PRPS2: variants seen among roughly 807,000 people sequenced by gnomAD.
PRPS2 encodes phosphoribosyl pyrophosphate synthetase 2.
For missense variants in PRPS2, 104 were observed against 271.5 expected (o/e 0.38, Z 4.34); for synonymous variants, 111 against 115.3 (o/e 0.96, Z 0.24).
chrX:12,812,390 GCCAA>G (rs1478307771), intron 4 of PRPS2, among the ~76,000 whole-genome samples: 1 of 112,137 alleles, frequency 8.9e-6, no homozygotes, highest in East Asian at 2.8e-4. Context: ...ACTTTGGGAG[GCCAA>G]GGCAGGTGGA....
chrX:12,818,019 C>G (rs2042656975), intron 4 of PRPS2, among the ~76,000 whole-genome samples: 1 of 111,117 alleles, frequency 9.0e-6, no homozygotes, highest in African/African-American at 3.3e-5. Flanking sequence ...TGAATTAATA[C>G]ACTTTAAAAT....
At chrX:12,795,989 T>C (rs2042541065) in intron 1 of PRPS2, among the ~76,000 whole-genome samples, 1 of 112,068 alleles carries the variant, frequency 8.9e-6, no homozygotes. Context: ...GTGTGAATGT[T>C]ATCAAAACTA....
At chrX:12,822,292 A>G (rs929454721) in intron 6 of PRPS2, among the ~76,000 whole-genome samples, 1 of 112,417 alleles carries the variant, frequency 8.9e-6, no homozygotes, top group Non-Finnish European at 1.9e-5. Context: ...TTGGTCCTCT[A>G]TAGTTTGCTG....
At chrX:12,796,688 C>T (rs764467652) in intron 1 of PRPS2, among the ~76,000 whole-genome samples, 9 of 110,444 alleles carry the variant, frequency 8.1e-5, no homozygotes, top group South Asian at 3.8e-4. Flanking sequence ...AAAATTACCA[C>T]GCTATGCAAA....
intron 2 of PRPS2, among the ~76,000 whole-genome samples, chrX:12,800,328 C>T (rs940442540): frequency 8.9e-6 from 1 of 111,807 alleles, no homozygotes; most frequent in Admixed American, 9.5e-5. Context: ...CACCTGGCCT[C>T]TTCCCTGTGT....
intron 5 of PRPS2, among the ~76,000 whole-genome samples, 181 bp downstream of exon 5, chrX:12,819,861 G>A (rs1474423861): frequency 6.2e-5 from 7 of 112,592 alleles, no homozygotes; most frequent in South Asian, 7.4e-4. Context: ...AAGAAAGCAC[G>A]GGCCTTTTCG....
Position 12,799,297 on chromosome X carries a change from C to T in PRPS2, c.213C>T (p.Leu71=), listed in dbSNP as rs760985073. 25 of 1,209,763 alleles carry T rather than the reference C, an allele frequency of 2.1e-5. No individual in the cohort carries two copies. Among genetic ancestry groups the T allele is most frequent in the Middle Eastern group, 2.3e-4 (1 of 4,349 alleles). The change falls in exon 2 of 7, where the codon CTC becomes CTT. Residue 71 remains leucine (L), a synonymous_variant. Transcript: ENST00000380668. ...GEINDNLMEL[L]IMINACKIAS... is the part of the protein sequence containing the mutation. ...TTAACGACAACCTGATGGAACTCCT[C>T]ATCATGATCAATGCCTGCAAGATTG...
rs373218728 is a variant in PRPS2, at chrX:12,791,527, C to T, written c.30C>T (p.Ser10=). MPNIVLFSG[S]SHQDLSQRVA... Reference sequence around the variant, plus strand: ...CCAACATCGTGCTGTTCAGCGGCAGCTCGCATCAGGACCTGTCCCAGCGCG... The same window carrying T: ...CCAACATCGTGCTGTTCAGCGGCAGTTCGCATCAGGACCTGTCCCAGCGCG... Residue 10 remains serine, a synonymous_variant, in exon 1 of 7, where the codon AGC becomes AGT. Coordinates refer to ENST00000380668, the MANE Select transcript of PRPS2 (RefSeq NM_002765.5). 2.5e-6 allele frequency: 3 copies of T among 1,205,050 alleles called. No individual in the cohort carries two copies. The highest frequency in any genetic ancestry group is 3.5e-5 in the African/African-American group (2 of 57,042).
intron 2 of PRPS2, 77 bp downstream of exon 2, chrX:12,799,467 A>G: frequency 9.9e-7 from 1 of 1,010,191 alleles, no homozygotes; most frequent in African/African-American, 1.9e-5. Flanking sequence ...CCCCTTGATT[A>G]GAATTATCTG....
rs777251811 is a variant in PRPS2 at position 12,791,492 on chromosome X, C to A, written c.-6C>A. ...CCGCGCGCCCCTCGGAGTTCCGCGCCCCACCATGCCCAACATCGTGCTGTT... is the reference window on the plus strand; with the variant it reads ...CCGCGCGCCCCTCGGAGTTCCGCGCACCACCATGCCCAACATCGTGCTGTT... On this transcript the variant is annotated 5_prime_UTR_variant, in exon 1 of 7. Coordinates refer to ENST00000380668, the MANE Select transcript of PRPS2 (RefSeq NM_002765.5). 2 of 1,203,070 alleles carry A rather than the reference C, an allele frequency of 1.7e-6. No individual in the cohort carries two copies. Among genetic ancestry groups the A allele is most frequent in the Non-Finnish European group, 2.2e-6 (2 of 891,329 alleles).
chrX:12,802,141 TA>T (rs1207374056), intron 2 of PRPS2, among the ~76,000 whole-genome samples: 1 of 112,035 alleles, frequency 8.9e-6, no homozygotes, highest in Non-Finnish European at 1.9e-5. Flanking sequence ...GACCTCTTTT[TA>T]CAAAGTTGTA....
intron 1 of PRPS2, among the ~76,000 whole-genome samples, chrX:12,798,876 C>T (rs1247465534): frequency 8.9e-6 from 1 of 111,893 alleles, no homozygotes; most frequent in Non-Finnish European, 1.9e-5. Context: ...AACCCTGGGA[C>T]TTGAGTCTCT....
intron 4 of PRPS2, among the ~76,000 whole-genome samples, chrX:12,818,381 A>AG (rs1285656682): frequency 8.4e-5 from 9 of 107,049 alleles, no homozygotes; most frequent in East Asian, 5.8e-4. Context: ...AAAAAAAAAA[A>AG]AAAGAAAAGA....
Position 12,820,702 on chromosome X carries a change from G to A in PRPS2, c.763G>A (p.Gly255Arg). 1 of 1,211,267 alleles carries A rather than the reference G, an allele frequency of 8.3e-7. No individual in the cohort carries two copies. Among genetic ancestry groups the A allele is most frequent in the Non-Finnish European group, 1.1e-6 (1 of 895,316 alleles). The change falls in exon 6 of 7, where the codon GGA becomes AGA. Residue 255 changes from glycine to arginine, a missense_variant. Physicochemically the swap from Gly to Arg is moderately radical, Grantham distance 125. Transcript: ENST00000380668. ...YAILTHGIFSGPAISRINNAA... is the reference protein window; with the variant it reads ...YAILTHGIFSRPAISRINNAA... The stretch of plus-strand genomic sequence containing the variant: ...TATCCTTACCCATGGGATCTTCTCT[G>A]GACCAGCTATTTCCAGAATAAATAA...
At chrX:12,818,194 C>A (rs1322778584) in intron 4 of PRPS2, among the ~76,000 whole-genome samples, 2 of 108,780 alleles carry the variant, frequency 1.8e-5, no homozygotes, top group Non-Finnish European at 3.8e-5. Context: ...CATGGAGAAA[C>A]CCTGTCTCTA....
At position 12,823,999 on chromosome X, in the gene PRPS2, GCCAGAGAAATATGAATATA is replaced by G. The variant is rs1489454506; in HGVS notation, c.*1207_*1225del. On this transcript the variant is annotated 3_prime_UTR_variant, in exon 7 of 7. Coordinates refer to ENST00000380668, the MANE Select transcript of PRPS2 (RefSeq NM_002765.5). ...GGCATTTATCTGGCCAAAAACAGGA[GCCAGAGAAATATGAATATA>G]CCAAAGTTGTTTGTTTAGCCTCCAA... 1 of 112,396 alleles carries G rather than the reference GCCAGAGAAATATGAATATA, an allele frequency of 8.9e-6. No individual in the cohort carries two copies. The highest frequency in any genetic ancestry group is 1.9e-5 in the Non-Finnish European group (1 of 53,317). The allele number at this position is 112,396 out of a possible 1,213,427, so 9.3% of individuals were successfully genotyped here.
Position 12,823,355 on chromosome X carries a change from CCAT to C in PRPS2, c.*561_*563del, listed in dbSNP as rs1307236758. 3 of 85,334 alleles carry C rather than the reference CCAT, an allele frequency of 3.5e-5. No individual in the cohort carries two copies. Among genetic ancestry groups the C allele is most frequent in the African/African-American group, 1.4e-4 (3 of 20,835 alleles). 7.0% of individuals were successfully genotyped at this position (85,334 alleles called of 1,213,427 possible). A position where few individuals can be genotyped will look rare whatever the true frequency, so the allele number is the denominator to read the frequency against. ...TTTGGATAACTCAGTTTCAGATAAA[CCAT>C]CTTGGTTACTGTGCTTAATTTGGAC... On this transcript the variant is annotated 3_prime_UTR_variant, in exon 7 of 7. Coordinates refer to ENST00000380668, the MANE Select transcript of PRPS2 (RefSeq NM_002765.5).
At chrX:12,803,284 C>G (rs2042578753) in intron 2 of PRPS2, among the ~76,000 whole-genome samples, 1 of 111,903 alleles carries the variant, frequency 8.9e-6, no homozygotes, top group Non-Finnish European at 1.9e-5. Context: ...CGCTCACTCT[C>G]TCATTTTTAA....
intron 4 of PRPS2, 98 bp from the exon 5 acceptor site, chrX:12,819,409 T>C: frequency 1.0e-6 from 1 of 979,530 alleles, no homozygotes; most frequent in East Asian, 3.1e-5. Flanking sequence ...TCTTGCATCA[T>C]CTCTCGGGTG....
Sources: allele counts gnomAD v4.1 joint callset (sites outside exome capture counted in the v4.1 genomes callset), GRCh38; gene constraint gnomAD v4.1.1; transcripts MANE v1.5; gene names NCBI Gene and HGNC (gene_info 2026-07-23, HGNC 2026-07-21).